Variants in FREM3 observed in about 807,000 individuals in gnomAD.
FREM3 encodes FRAS1-related extracellular matrix protein 3.
FREM3 carries 105 observed loss-of-function variants against 129.1 expected under a neutral mutation model. That is an observed-to-expected ratio of 0.81 (90% CI 0.69 to 0.96). FREM3 has a LOEUF of 0.96. Among genes scored for constraint, FREM3 ranks in the 40% least tolerant of loss-of-function variants. The pLI is 0.00. For missense variants in FREM3, 2,593 were observed against 2,666.3 expected (o/e 0.97, Z 0.61); for synonymous variants, 1,014 against 1,044.9 (o/e 0.97, Z 0.57).
intron 2 of FREM3, among the ~76,000 whole-genome samples, chr4:143,676,726 C>G (rs1486677230): frequency 1.3e-5 from 2 of 152,156 alleles, no homozygotes; most frequent in Non-Finnish European, 2.9e-5. Flanking sequence ...GCAAAAATCA[C>G]AAGCATTCTT....
rs999400618 is a variant in FREM3 at position 143,687,766 on chromosome 4, T to C, written c.5275+5347A>G. ...AACAGAATTAAAACAAAAAATCACA[T>C]GATCATTTCCATAGATGCAGAAAGA... On this transcript the variant is annotated intron_variant, in intron 2 of 7. Coordinates refer to ENST00000329798, the MANE Select transcript of FREM3 (RefSeq NM_001168235.2). Among the ~76,000 whole-genome samples, 5 of 152,240 alleles carry C rather than the reference T, an allele frequency of 3.3e-5. No individual in the cohort carries two copies. In the South Asian group the frequency reaches 1.0e-3, roughly 32 times the overall value.
chr4:143,616,835 A>G (rs899747127), intron 5 of FREM3, among the ~76,000 whole-genome samples: 13 of 151,958 alleles, frequency 8.6e-5, no homozygotes, highest in African/African-American at 3.1e-4. Context: ...TCTGTTTTCT[A>G]CCTCCATCTT....
intron 2 of FREM3, among the ~76,000 whole-genome samples, chr4:143,682,557 A>G (rs1194752612): frequency 6.6e-6 from 1 of 152,122 alleles, no homozygotes; most frequent in East Asian, 1.9e-4. Flanking sequence ...CACACCGTGG[A>G]GTGTACTTTT....
Position 143,620,527 on chromosome 4 carries a change from T to G in FREM3, c.5779+510A>C, listed in dbSNP as rs78034081. Among the ~76,000 whole-genome samples the G allele has an allele frequency of 3.7e-4, 57 of 152,272 alleles. No individual in the cohort carries two copies. The East Asian group carries it at 0.011, about 28-fold the overall frequency. ...GCTGTATAGAAGTGGTCAAAAAGAATGGAAACTTGTTTTCGGTGCGAAGAT... is the reference window on the plus strand; with the variant it reads ...GCTGTATAGAAGTGGTCAAAAAGAAGGGAAACTTGTTTTCGGTGCGAAGAT... On this transcript the variant is annotated intron_variant, in intron 5 of 7. Coordinates refer to ENST00000329798, the MANE Select transcript of FREM3 (RefSeq NM_001168235.2).
intron 7 of FREM3, among the ~76,000 whole-genome samples, chr4:143,578,327 G>T (rs575287399): frequency 1.3e-5 from 2 of 151,788 alleles, no homozygotes; most frequent in Non-Finnish European, 2.9e-5. Flanking sequence ...CCATTCTCTC[G>T]GTTGTTATTA....
intron 2 of FREM3, among the ~76,000 whole-genome samples, chr4:143,675,233 A>G (rs1250102191): frequency 6.6e-6 from 1 of 152,220 alleles, no homozygotes; most frequent in Admixed American, 6.5e-5. Flanking sequence ...AGGATTAAGA[A>G]ACTCACTCAA....
At chr4:143,636,586 C>T (rs1739237481) in intron 2 of FREM3, among the ~76,000 whole-genome samples, 1 of 151,856 alleles carries the variant, frequency 6.6e-6, no homozygotes, top group African/African-American at 2.4e-5. Context: ...TATGTTTTCA[C>T]AATTATTTCC....
At position 143,593,550 on chromosome 4, in the gene FREM3, G is replaced by C. The variant is rs554142636; in HGVS notation, c.6029-7557C>G. Among the ~76,000 whole-genome samples, 8 of 152,306 alleles carry C rather than the reference G, an allele frequency of 5.3e-5. No individual in the cohort carries two copies. The South Asian group carries it at 1.5e-3, about 28-fold the overall frequency. On this transcript the variant is annotated intron_variant, in intron 6 of 7. Coordinates refer to ENST00000329798, the MANE Select transcript of FREM3 (RefSeq NM_001168235.2). ...CAGCAGCGGTGGCTGAAGAACAGCGGATATTGGTGAACTGCAAATGCTGCT... is the reference window on the plus strand; with the variant it reads ...CAGCAGCGGTGGCTGAAGAACAGCGCATATTGGTGAACTGCAAATGCTGCT...
At chr4:143,578,354 G>A (rs1304775157) in intron 7 of FREM3, among the ~76,000 whole-genome samples, 1 of 151,518 alleles carries the variant, frequency 6.6e-6, no homozygotes, top group East Asian at 1.9e-4. Context: ...TTTTCAAGCT[G>A]GTCCACCTCA....
At chr4:143,661,442 C>G (rs1251548774) in intron 2 of FREM3, among the ~76,000 whole-genome samples, 1 of 151,934 alleles carries the variant, frequency 6.6e-6, no homozygotes, top group Non-Finnish European at 1.5e-5. Context: ...ATGAAGCCCA[C>G]TTGATCATGG....
Position 143,695,976 on chromosome 4 carries a change from G to T in FREM3, c.4700C>A (p.Thr1567Asn), listed in dbSNP as rs892600716. The T allele has an allele frequency of 7.8e-6, 12 of 1,537,706 alleles. No homozygotes were observed. Among genetic ancestry groups the T allele is most frequent in the Non-Finnish European group, 9.6e-6 (11 of 1,147,048 alleles). ...GGTAAAGAGAATAAGGTCATCTGGGGTATCACTGTCTTCCACTGTCAACTC... is the reference window on the plus strand; with the variant it reads ...GGTAAAGAGAATAAGGTCATCTGGGTTATCACTGTCTTCCACTGTCAACTC... ...LLELTVEDSDTPDDLILFTIT... is the reference protein window; with the variant it reads ...LLELTVEDSDNPDDLILFTIT... The change falls in exon 1 of 8, where the codon ACC becomes AAC. Residue 1567 changes from threonine (T) to asparagine (N), a missense_variant. Around this residue, in one of 2 missense-constraint regions of FREM3, gnomAD observed 2,276 missense variants for 2,267.2 expected, o/e 1.00. Coordinates refer to ENST00000329798, the MANE Select transcript of FREM3 (RefSeq NM_001168235.2).
chr4:143,695,787 G>T lies in FREM3; in HGVS notation c.4889C>A (p.Thr1630Asn), dbSNP rs1234959836. The change falls in exon 1 of 8, where the codon ACT becomes AAT. Residue 1630 changes from threonine to asparagine, a missense_variant. Physicochemically the swap from Thr to Asn is moderately conservative, Grantham distance 65. This residue lies in a region of FREM3 where 2,276 missense variants were observed against 2,267.2 expected (regional missense o/e 1.00). Transcript: ENST00000329798. ...AGTGTCTGGTAGGACATAGAAATCA[G>T]TGTGAGTGCCGTCTGTCACAGTCAA... Reference protein sequence around the residue: ...FSLTVTDGTHTDFYVLPDTAL... With the variant: ...FSLTVTDGTHNDFYVLPDTAL... The T allele has an allele frequency of 6.5e-7, 1 of 1,537,314 alleles. No individual in the cohort carries two copies. Among genetic ancestry groups the T allele is most frequent in the Non-Finnish European group, 8.7e-7 (1 of 1,146,922 alleles).
At position 143,641,075 on chromosome 4, in the gene FREM3, C is replaced by T. The variant is rs577852519; in HGVS notation, c.5276-13315G>A. Among the ~76,000 whole-genome samples the T allele has an allele frequency of 4.6e-5, 7 of 152,208 alleles. No homozygotes were observed. In the South Asian group the frequency reaches 1.2e-3, roughly 27 times the overall value. ...AACACCTGGTCCCAATCAAACTAAG[C>T]CCCTTTTCTTCCTTATACACATAGC... On this transcript the variant is annotated intron_variant, in intron 2 of 7. Coordinates refer to ENST00000329798, the MANE Select transcript of FREM3 (RefSeq NM_001168235.2).
At chr4:143,664,179 A>G (rs556821010) in intron 2 of FREM3, among the ~76,000 whole-genome samples, 13 of 152,108 alleles carry the variant, frequency 8.5e-5, no homozygotes, top group Middle Eastern at 3.4e-3. Flanking sequence ...TAGAGTTTCC[A>G]GTTTTTCTGC....
intron 1 of FREM3, among the ~76,000 whole-genome samples, chr4:143,695,022 G>T (rs529321403): frequency 6.6e-6 from 1 of 152,070 alleles, no homozygotes; most frequent in Non-Finnish European, 1.5e-5. Flanking sequence ...TTTATTAGAC[G>T]TAGAAATTAC....
chr4:143,697,044 A>G lies in FREM3; in HGVS notation c.3632T>C (p.Ile1211Thr), dbSNP rs1158514037. 2 of 1,537,396 alleles carry G rather than the reference A, an allele frequency of 1.3e-6. No individual in the cohort carries two copies. ...TGCTCCATTAAGCAGCTGGGTGTCT[A>G]TGACCAGGCTCATCCCCTCTAGTAC... ...FKVLEGMSLV[I>T]DTQLLNGADA... Residue 1211 changes from isoleucine (I) to threonine (T), a missense_variant, in exon 1 of 8, where the codon ATA (isoleucine) becomes ACA (threonine). Physicochemically the swap from Ile to Thr is moderately conservative, Grantham distance 89 (BLOSUM62 -1). This residue lies in a region of FREM3 where 2,276 missense variants were observed against 2,267.2 expected (regional missense o/e 1.00). Transcript: ENST00000329798.
At chr4:143,638,778 A>G (rs1431395421) in intron 2 of FREM3, among the ~76,000 whole-genome samples, 1 of 152,114 alleles carries the variant, frequency 6.6e-6, no homozygotes, top group Non-Finnish European at 1.5e-5. Context: ...TATTGAGAAG[A>G]CACAGATACA....
intron 2 of FREM3, among the ~76,000 whole-genome samples, chr4:143,648,309 G>A (rs1404418226): frequency 1.3e-5 from 2 of 152,142 alleles, no homozygotes; most frequent in Non-Finnish European, 2.9e-5. Flanking sequence ...ATGAGACTTT[G>A]GACTTGGACT....
chr4:143,693,146 T>C lies in FREM3; in HGVS notation c.5242A>G (p.Lys1748Glu), dbSNP rs933406731. 9 of 1,522,246 alleles carry C rather than the reference T, an allele frequency of 5.9e-6. No homozygotes were observed. The Admixed American group carries it at 8.0e-5, about 14-fold the overall frequency. 94.3% of individuals were successfully genotyped at this position (1,522,246 alleles called of 1,614,324 possible). Residue 1748 changes from lysine (K) to glutamate (E), a missense_variant, in exon 2 of 8, where the codon AAG becomes GAG. By Grantham distance (56) the Lys-to-Glu change is moderately conservative. Coordinates refer to ENST00000329798, the MANE Select transcript of FREM3 (RefSeq NM_001168235.2). ...YVLNEGSNAS[K>E]DIFYFSVEDN... ...TCAACAGAGAAATAGAAGATGTCCT[T>C]TGATGCGTTGCTGCCCTCATTCAAG...
Sources: gnomAD v4.1 joint callset for allele counts (sites outside exome capture counted in the v4.1 genomes callset) on GRCh38, gnomAD v4.1.1 for gene constraint, gnomAD v4.1.1 regional missense constraint, MANE v1.5 for transcripts, NCBI Gene and HGNC (gene_info 2026-07-23, HGNC 2026-07-21) for gene names.